DAB1: variants seen among roughly 807,000 people sequenced by gnomAD.
The protein encoded by DAB1 is DAB adaptor protein 1.
A neutral mutation model predicts 64.6 loss-of-function variants in DAB1; 15 were observed. The observed-to-expected ratio is 0.23, with a 90% CI of 0.16 to 0.36. The LOEUF is 0.36. DAB1 is among the 10% of genes least tolerant of loss of function. The pLI, the probability that DAB1 is intolerant of heterozygous loss-of-function variation, is 1.00. For missense variants in DAB1, 596 were observed against 706.7 expected (o/e 0.84, Z 1.78); for synonymous variants, 235 against 251.9 (o/e 0.93, Z 0.64).
chr1:57,412,332 C>G (rs931409488), intron 1 of DAB1, among the ~76,000 whole-genome samples: 2 of 152,172 alleles, frequency 1.3e-5, no homozygotes, highest in African/African-American at 2.4e-5. Context: ...AGTCACAAGT[C>G]TCTCACTTTA....
downstream of DAB1, among the ~76,000 whole-genome samples, chr1:57,823,013 C>G (rs1652190126): frequency 7.4e-6 from 1 of 134,460 alleles, no homozygotes; most frequent in African/African-American, 2.9e-5. Flanking sequence ...GAGATGGAGT[C>G]TCACTCTGTC....
At chr1:57,879,496 C>T (rs758772749) in intron 1 of DAB1, among the ~76,000 whole-genome samples, 3 of 152,088 alleles carry the variant, frequency 2.0e-5, no homozygotes, top group Non-Finnish European at 4.4e-5. Flanking sequence ...AGTGAGTATG[C>T]GATTTACTCA....
chr1:57,190,678 C>A (rs1664049218), intron 2 of DAB1, among the ~76,000 whole-genome samples: 1 of 152,084 alleles, frequency 6.6e-6, no homozygotes, highest in Non-Finnish European at 1.5e-5. Flanking sequence ...TCAAATGCAT[C>A]TAAGATGAAA....
At chr1:57,028,718 G>A (rs568352535) in intron 9 of DAB1, among the ~76,000 whole-genome samples, 1 of 152,178 alleles carries the variant, frequency 6.6e-6, no homozygotes, top group Non-Finnish European at 1.5e-5. Flanking sequence ...CTATGTTTTA[G>A]CAAAGAGACC....
At chr1:57,952,823 G>A (rs1361893) in intron 5 of DAB1, among the ~76,000 whole-genome samples, 58,436 of 151,922 alleles carry the variant, frequency 0.38, 12,760 homozygotes, top group Admixed American at 0.5. Flanking sequence ...TCACTAAGGG[G>A]TGGTTCTGTT....
intron 5 of DAB1, among the ~76,000 whole-genome samples, chr1:58,037,689 C>T (rs1647066627): frequency 6.6e-6 from 1 of 151,872 alleles, no homozygotes; most frequent in Non-Finnish European, 1.5e-5. Context: ...GTCCCTGGTG[C>T]CAAAAAAGGC....
intron 4 of DAB1, among the ~76,000 whole-genome samples, chr1:58,186,023 G>C (rs1186838590): frequency 2.0e-5 from 3 of 152,172 alleles, no homozygotes; most frequent in African/African-American, 2.4e-5. Context: ...CTTTCTTCCA[G>C]AAAGGGTACA....
At chr1:57,760,630 A>T (rs758602238) in intron 6 of DAB1, among the ~76,000 whole-genome samples, 33,882 of 149,310 alleles carry the variant, frequency 0.23, 4,629 homozygotes, top group Admixed American at 0.34. Flanking sequence ...TCACACACAC[A>T]CACACACACA....
At chr1:57,225,619 A>C (rs1205478054) in intron 2 of DAB1, among the ~76,000 whole-genome samples, 1 of 152,176 alleles carries the variant, frequency 6.6e-6, no homozygotes, top group Non-Finnish European at 1.5e-5. Flanking sequence ...ACAACAGATA[A>C]ATTCAATATA....
chr1:57,479,029 T>A (rs1643977250), intron 7 of DAB1, among the ~76,000 whole-genome samples: 1 of 152,166 alleles, frequency 6.6e-6, no homozygotes, highest in Non-Finnish European at 1.5e-5. Flanking sequence ...AGTTGTTAAT[T>A]CAGATTGTAC....
intron 1 of DAB1, among the ~76,000 whole-genome samples, chr1:57,355,687 C>T (rs1679036155): frequency 6.6e-6 from 1 of 151,896 alleles, no homozygotes; most frequent in African/African-American, 2.4e-5. Context: ...ATGGTATTTT[C>T]AAGAAAATGT....
chr1:57,176,973 A>AC (rs1662397556), intron 2 of DAB1, among the ~76,000 whole-genome samples: 1 of 103,178 alleles, frequency 9.7e-6, no homozygotes. Context: ...CAGCAGATAT[A>AC]AAAAAAAAAA....
intron 7 of DAB1, among the ~76,000 whole-genome samples, chr1:57,468,895 CTG>C (rs1289863260): frequency 6.6e-6 from 1 of 152,166 alleles, no homozygotes; most frequent in Non-Finnish European, 1.5e-5. Flanking sequence ...GTGTTGATCA[CTG>C]TGCTATGGTG....
chr1:57,222,147 C>A (rs369555119), intron 2 of DAB1, among the ~76,000 whole-genome samples: 1 of 151,890 alleles, frequency 6.6e-6, no homozygotes, highest in Non-Finnish European at 1.5e-5. Context: ...AACAAAGGGT[C>A]GAGAGGTAAA....
In DAB1 at chr1:57,342,195, C is replaced by G. The variant is rs1201487473; in HGVS notation, c.-136-51029G>C. On this transcript the variant is annotated intron_variant, in intron 1 of 14. Transcript: ENST00000371236. ...GGGAGACCATTTCCTCTGCCTGGAA[C>G]TTCCTTCCAACCCTTCTCACCTGGC... 8.5e-5 allele frequency among the ~76,000 whole-genome samples: 13 copies of G among 152,312 alleles called. No individual in the cohort carries two copies. The East Asian group carries it at 2.5e-3, about 29-fold the overall frequency.
chr1:57,404,560 G>A (rs1570459938), intron 1 of DAB1, among the ~76,000 whole-genome samples: 1 of 152,108 alleles, frequency 6.6e-6, no homozygotes, highest in African/African-American at 2.4e-5. Context: ...TTGCCACTGG[G>A]TAGAAGTATA....
intron 5 of DAB1, among the ~76,000 whole-genome samples, chr1:58,097,812 C>G (rs1181548854): frequency 1.3e-5 from 2 of 152,146 alleles, no homozygotes; most frequent in African/African-American, 4.8e-5. Flanking sequence ...GCTACTGTCT[C>G]TGTTTTGCTG....
chr1:57,889,321 T>C (rs1268114274), intron 5 of DAB1, among the ~76,000 whole-genome samples: 2 of 152,254 alleles, frequency 1.3e-5, no homozygotes, highest in African/African-American at 4.8e-5. Flanking sequence ...GGCTAATTTA[T>C]ATATGCATAA....
At chr1:58,324,636 T>G (rs1401275794) in intron 4 of DAB1, among the ~76,000 whole-genome samples, 3 of 152,168 alleles carry the variant, frequency 2.0e-5, no homozygotes, top group Non-Finnish European at 4.4e-5. Flanking sequence ...CCCAAAGTGT[T>G]TTCTTTTTCT....
Sources: allele counts gnomAD v4.1 joint callset (sites outside exome capture counted in the v4.1 genomes callset), GRCh38; gene constraint gnomAD v4.1.1; transcripts MANE v1.5; gene names NCBI Gene and HGNC (gene_info 2026-07-23, HGNC 2026-07-21).